Variants in ZFAND3 observed in about 807,000 individuals in gnomAD.
The protein encoded by ZFAND3 is AN1-type zinc finger protein 3.
Under a neutral mutation model 29.6 loss-of-function variants are expected in ZFAND3, and 10 were observed. The ratio of observed to expected loss-of-function variants is 0.34; its 90% CI spans 0.21 to 0.57. The LOEUF (loss-of-function observed/expected upper bound fraction) is 0.57. Among genes scored for constraint, ZFAND3 ranks in the 20% least tolerant of loss-of-function variants. ZFAND3 has a pLI of 0.86. For synonymous variants in ZFAND3, 128 were observed against 112.6 expected (o/e 1.14, Z -0.87); for missense variants, 230 against 304.5 (o/e 0.76, Z 1.82).
intron 2 of ZFAND3, among the ~76,000 whole-genome samples, chr6:37,941,296 T>C (rs1275663902): frequency 6.6e-6 from 1 of 152,246 alleles, no homozygotes; most frequent in Non-Finnish European, 1.5e-5. Context: ...TTAGTCGGGA[T>C]TGTACTGTGA....
At chr6:38,061,462 GT>G in intron 2 of ZFAND3, 130 bp from the exon 3 acceptor site, 1 of 1,141,272 alleles carries the variant, frequency 8.8e-7, no homozygotes. Context: ...TACTCCCATG[GT>G]TTTTTAGTCA....
chr6:37,896,554 C>CTTTCT lies in ZFAND3; in HGVS notation c.72-33402_72-33398dup, dbSNP rs1554153845. Among the ~76,000 whole-genome samples the CTTTCT allele has an allele frequency of 3.2e-3, 446 of 137,810 alleles. 4 individuals are homozygous for CTTTCT. Among genetic ancestry groups the CTTTCT allele is most frequent in the African/African-American group, 9.4e-3 (337 of 35,700 alleles). The allele number at this position is 137,810 out of a possible 152,430, so 90.4% of individuals were successfully genotyped here. On this transcript the variant is annotated intron_variant, in intron 1 of 5. Coordinates refer to ENST00000287218, the MANE Select transcript of ZFAND3 (RefSeq NM_021943.3). ...TCTTTCTTTCTTTCTTTCTTTCTTT[C>CTTTCT]TTTCTTTCTTTCTTTCTCTCTTTCT...
intron 1 of ZFAND3, 77 bp from the exon 2 acceptor site, chr6:37,929,882 C>T: frequency 7.1e-7 from 1 of 1,404,906 alleles, no homozygotes; most frequent in Non-Finnish European, 9.5e-7. Context: ...GCCTACGTTT[C>T]TGACATCTTA....
chr6:37,912,298 G>A (rs550096461), intron 1 of ZFAND3, among the ~76,000 whole-genome samples: 3 of 152,096 alleles, frequency 2.0e-5, no homozygotes, highest in Admixed American at 1.3e-4. Flanking sequence ...AGCACACAGA[G>A]TATGCTCATT....
At chr6:38,034,215 G>T (rs758993495) in intron 2 of ZFAND3, among the ~76,000 whole-genome samples, 1 of 152,154 alleles carries the variant, frequency 6.6e-6, no homozygotes, top group Non-Finnish European at 1.5e-5. Flanking sequence ...GGGCAAACTA[G>T]TCTCTTCCTT....
At chr6:37,925,563 G>T (rs1761467990) in intron 1 of ZFAND3, among the ~76,000 whole-genome samples, 1 of 152,104 alleles carries the variant, frequency 6.6e-6, no homozygotes, top group South Asian at 2.1e-4. Context: ...AATTAGCCGG[G>T]CGTGGTGGCG....
chr6:37,880,001 G>C (rs913591760), intron 1 of ZFAND3, among the ~76,000 whole-genome samples: 4 of 152,184 alleles, frequency 2.6e-5, no homozygotes, highest in Non-Finnish European at 4.4e-5. Context: ...AAATTCACCA[G>C]CTTTTAGAGG....
chr6:37,918,951 C>CTTGTTTTTTTTTTTTTTTTTT (rs1761318785), intron 1 of ZFAND3, among the ~76,000 whole-genome samples: 1 of 104,738 alleles, frequency 9.5e-6, no homozygotes, highest in African/African-American at 4.1e-5. Context: ...TGAAAAATGC[C>CTTGTTTTTTTTTTTTTTTTTT]TTTTTTTTTT....
chr6:37,922,179 T>C (rs1174299037), intron 1 of ZFAND3, among the ~76,000 whole-genome samples: 4 of 152,320 alleles, frequency 2.6e-5, no homozygotes, highest in African/African-American at 9.6e-5. Context: ...TACCAAAATA[T>C]ACTTTTTCAT....
At chr6:38,040,708 G>A (rs1270321108) in intron 2 of ZFAND3, among the ~76,000 whole-genome samples, 1 of 152,098 alleles carries the variant, frequency 6.6e-6, no homozygotes, top group Admixed American at 6.5e-5. Context: ...ATGTTTGTAT[G>A]TACACACACC....
At chr6:38,041,679 CTT>C (rs1561976762) in intron 2 of ZFAND3, among the ~76,000 whole-genome samples, 257 of 21,050 alleles carry the variant, frequency 0.012, 6 homozygotes, top group Middle Eastern at 0.036. Context: ...TCTTCTTCTT[CTT>C]CTTCTCCTTC....
intron 2 of ZFAND3, among the ~76,000 whole-genome samples, chr6:37,954,212 C>T (rs1433863855): frequency 2.3e-5 from 3 of 127,664 alleles, no homozygotes; most frequent in Non-Finnish European, 3.4e-5. Flanking sequence ...TTTCTCTTTC[C>T]TATGCTTGGA....
intron 5 of ZFAND3, among the ~76,000 whole-genome samples, chr6:38,125,800 CTTTG>C (rs1765623735): frequency 6.6e-6 from 1 of 151,938 alleles, no homozygotes. Flanking sequence ...TTAGTTAATT[CTTTG>C]TTTAATAAAG....
At chr6:37,981,898 A>G (rs1461529217) in intron 2 of ZFAND3, among the ~76,000 whole-genome samples, 4 of 152,184 alleles carry the variant, frequency 2.6e-5, no homozygotes, top group Non-Finnish European at 5.9e-5. Context: ...ATGATACATC[A>G]GTCAGTACAT....
At chr6:37,975,347 T>C (rs549479993) in intron 2 of ZFAND3, among the ~76,000 whole-genome samples, 9 of 152,320 alleles carry the variant, frequency 5.9e-5, no homozygotes, top group African/African-American at 2.2e-4. Flanking sequence ...ACTGATACTA[T>C]TAATATCCTT....
At chr6:37,974,807 T>G (rs1301358146) in intron 2 of ZFAND3, among the ~76,000 whole-genome samples, 2 of 152,320 alleles carry the variant, frequency 1.3e-5, no homozygotes, top group South Asian at 2.1e-4. Flanking sequence ...AGTATTCCAT[T>G]ATGTGGGTAG....
chr6:38,121,183 G>A (rs1260155556), intron 5 of ZFAND3, among the ~76,000 whole-genome samples: 4 of 152,086 alleles, frequency 2.6e-5, no homozygotes, highest in Non-Finnish European at 4.4e-5. Flanking sequence ...TCTATTTTTT[G>A]TAGAGATAGG....
chr6:37,860,637 G>GTTTTT (rs58902274), intron 1 of ZFAND3, among the ~76,000 whole-genome samples: 3 of 97,236 alleles, frequency 3.1e-5, no homozygotes, highest in African/African-American at 8.6e-5. Flanking sequence ...TATTCACTTA[G>GTTTTT]TTTTTTTTTT....
chr6:37,998,580 GAAGT>G (rs1230658519), intron 2 of ZFAND3, among the ~76,000 whole-genome samples: 1 of 152,178 alleles, frequency 6.6e-6, no homozygotes, highest in African/African-American at 2.4e-5. Flanking sequence ...AGTAAATTTG[GAAGT>G]AAGTGAATTC....
Sources: gnomAD v4.1 joint callset for allele counts (sites outside exome capture counted in the v4.1 genomes callset) on GRCh38, gnomAD v4.1.1 for gene constraint, MANE v1.5 for transcripts, NCBI Gene and HGNC (gene_info 2026-07-23, HGNC 2026-07-21) for gene names.